MTG2: variants seen among roughly 807,000 people sequenced by gnomAD.
MTG2 encodes the protein mitochondrial ribosome associated GTPase 2.
In MTG2, 23 loss-of-function variants were observed where a neutral mutation model predicts 28.6. The ratio of observed to expected loss-of-function variants is 0.80; its 90% CI spans 0.58 to 1.14. The LOEUF is 1.14. Among genes scored for constraint, MTG2 ranks in the 50% most tolerant of loss-of-function variants. The pLI, the probability that MTG2 is intolerant of heterozygous loss-of-function variation, is 0.00. For missense variants in MTG2, 539 were observed against 552.0 expected (o/e 0.98, Z 0.24); for synonymous variants, 260 against 251.8 (o/e 1.03, Z -0.31).
chr20:62,198,351 G>GT (rs2058097765), intron 4 of MTG2: 4 of 553,600 alleles, frequency 7.2e-6, no homozygotes, highest in African/African-American at 3.8e-5. Flanking sequence ...TCTCTTAGAT[G>GT]TTTTTTCTGG....
chr20:62,190,756 G>A (rs1011480909), intron 1 of MTG2, among the ~76,000 whole-genome samples: 6 of 152,236 alleles, frequency 3.9e-5, no homozygotes, highest in Admixed American at 2.0e-4. Flanking sequence ...AGCGGCGGCG[G>A]CCGCACAGGC....
At chr20:62,192,031 T>A (rs2057970628) in intron 1 of MTG2, among the ~76,000 whole-genome samples, 1 of 152,224 alleles carries the variant, frequency 6.6e-6, no homozygotes, top group Non-Finnish European at 1.5e-5. Context: ...AGGCACCAAA[T>A]GTGTGGGTTT....
intron 2 of MTG2, 92 bp from the exon 3 acceptor site, chr20:62,195,710 T>C (rs1167403788): frequency 1.4e-6 from 2 of 1,470,132 alleles, no homozygotes; most frequent in Non-Finnish European, 1.9e-6. Context: ...TAGGCTGTTA[T>C]AGATAGAAGA....
chr20:62,185,351 G>A (rs2057819131), intron 1 of MTG2, among the ~76,000 whole-genome samples: 1 of 152,166 alleles, frequency 6.6e-6, no homozygotes, highest in Admixed American at 6.5e-5. Flanking sequence ...GGCAGAGGTT[G>A]CAGTGAGCTG....
At chr20:62,186,439 G>T (rs1213879642) in intron 1 of MTG2, among the ~76,000 whole-genome samples, 1 of 151,722 alleles carries the variant, frequency 6.6e-6, no homozygotes, top group Non-Finnish European at 1.5e-5. Flanking sequence ...GTTGTTTGCG[G>T]CTGGTATTTA....
In MTG2 at chr20:62,202,125, G is replaced by A. The variant is rs1353425740; in HGVS notation, c.*1048G>A. ...TCGAGACTGCAGCAGCGCCTTTCCT[G>A]TCTGTGGTTTAAGTCTTTGCAGTCA... On this transcript the variant is annotated 3_prime_UTR_variant, in exon 7 of 7. Coordinates refer to ENST00000370823, the MANE Select transcript of MTG2 (RefSeq NM_015666.4). 3 of 152,378 alleles carry A rather than the reference G, an allele frequency of 2.0e-5. No homozygotes were observed. Among genetic ancestry groups the A allele is most frequent in the South Asian group, 2.1e-4 (1 of 4,818 alleles). 9.4% of individuals were successfully genotyped at this position (152,378 alleles called of 1,614,324 possible). A position where few individuals can be genotyped will look rare whatever the true frequency, so the allele number is the denominator to read the frequency against.
chr20:62,186,908 A>G lies in MTG2; in HGVS notation c.-6+3851A>G, dbSNP rs552345829. 3.3e-5 allele frequency among the ~76,000 whole-genome samples: 5 copies of G among 151,744 alleles called. No individual in the cohort carries two copies. In the South Asian group the frequency reaches 1.0e-3, roughly 32 times the overall value. On this transcript the variant is annotated intron_variant, in intron 1 of 6. Transcript: ENST00000370823. ...TTACTTCTTCCTTTTTTCCCCCTTTATTTCAGTGTGTGAAAGGACATTGTT... is the reference window on the plus strand; with the variant it reads ...TTACTTCTTCCTTTTTTCCCCCTTTGTTTCAGTGTGTGAAAGGACATTGTT...
rs751196165 is a variant in MTG2, at chr20:62,193,554, C to G, written c.134C>G (p.Ser45Trp). The G allele has an allele frequency of 6.2e-7, 1 of 1,613,942 alleles. No individual in the cohort carries two copies. Among genetic ancestry groups the G allele is most frequent in the South Asian group, 1.1e-5 (1 of 91,054 alleles). The change falls in exon 2 of 7, where the codon TCG becomes TGG. Residue 45 changes from serine (S) to tryptophan (W), a missense_variant. Transcript: ENST00000370823. ...CAGCGGGCTTCTCCCAGGCTGCTCT[C>G]GGTCGGCCGTGCGGACCTCGCCAAG... ...LPQRASPRLLSVGRADLAKHQ... is the reference protein window; with the variant it reads ...LPQRASPRLLWVGRADLAKHQ...
Position 62,201,042 on chromosome 20 carries a change from G to T in MTG2, c.1186G>T (p.Glu396Ter). ...KVLYDAYAEA[E>*]LGQGRQPLRW The stretch of plus-strand genomic sequence containing the variant: ...GCTGTATGACGCCTACGCGGAGGCC[G>T]AGCTGGGCCAGGGCCGCCAGCCGCT... Residue 396 changes from glutamate (E) to a stop codon, truncating the protein, a stop_gained, in exon 7 of 7, where the codon GAG (glutamate) becomes TAG (stop). Coordinates refer to ENST00000370823, the MANE Select transcript of MTG2 (RefSeq NM_015666.4). LOFTEE classifies it high-confidence loss of function. The T allele has an allele frequency of 1.9e-6, 3 of 1,603,550 alleles. No homozygotes were observed. The highest frequency in any genetic ancestry group is 2.5e-6 in the Non-Finnish European group (3 of 1,176,538).
intron 1 of MTG2, among the ~76,000 whole-genome samples, chr20:62,186,032 T>G (rs1161751205): frequency 6.6e-6 from 1 of 152,088 alleles, no homozygotes; most frequent in East Asian, 1.9e-4. Context: ...GCAGGTTCCA[T>G]GTCACCTGCA....
intron 3 of MTG2, among the ~76,000 whole-genome samples, chr20:62,196,478 G>A (rs995207117): frequency 6.6e-6 from 1 of 151,396 alleles, no homozygotes; most frequent in Non-Finnish European, 1.5e-5. Flanking sequence ...TTCGAGACCA[G>A]CCTGGCCAAC....
chr20:62,199,209 A>C lies in MTG2; in HGVS notation c.778A>C (p.Lys260Gln), dbSNP rs2058117610. Residue 260 changes from lysine to glutamine, a missense_variant, in exon 6 of 7, where the codon AAG (lysine) becomes CAG (glutamine). Physicochemically the swap from Lys to Gln is moderately conservative, Grantham distance 53 (BLOSUM62 1). Transcript: ENST00000370823. The part of the protein sequence containing the change: ...AVASYPFTTL[K>Q]PHVGIVHYEG... ...GGCTTCCTACCCGTTCACCACCCTGAAGCCCCACGTCGGGATCGTCCACTA... is the reference window on the plus strand; with the variant it reads ...GGCTTCCTACCCGTTCACCACCCTGCAGCCCCACGTCGGGATCGTCCACTA... The C allele has an allele frequency of 6.2e-7, 1 of 1,614,080 alleles. No individual in the cohort carries two copies. Among genetic ancestry groups the C allele is most frequent in the South Asian group, 1.1e-5 (1 of 91,086 alleles).
chr20:62,199,325 C>T, intron 6 of MTG2, 68 bp downstream of exon 6: 1 of 1,546,260 alleles, frequency 6.5e-7, no homozygotes. Context: ...AATGATGTAA[C>T]TCTTAAATTT....
At chr20:62,184,116 T>C (rs1421224427) in intron 1 of MTG2, among the ~76,000 whole-genome samples, 3 of 152,188 alleles carry the variant, frequency 2.0e-5, no homozygotes, top group East Asian at 3.8e-4. Flanking sequence ...CCCAGAACTT[T>C]GGGAGGCCAA....
chr20:62,183,500 A>G (rs573560678), intron 1 of MTG2, among the ~76,000 whole-genome samples: 1 of 152,372 alleles, frequency 6.6e-6, no homozygotes, highest in South Asian at 2.1e-4. Context: ...AAATATATAC[A>G]CATTTGGATG....
chr20:62,190,962 G>A (rs2057947371), intron 1 of MTG2, among the ~76,000 whole-genome samples: 1 of 152,232 alleles, frequency 6.6e-6, no homozygotes, highest in Admixed American at 6.5e-5. Context: ...TAAAGAATGG[G>A]GAGCTCTGGG....
At chr20:62,190,021 T>A (rs1025553514) in intron 1 of MTG2, among the ~76,000 whole-genome samples, 6 of 152,250 alleles carry the variant, frequency 3.9e-5, no homozygotes, top group Non-Finnish European at 8.8e-5. Flanking sequence ...TTTTATTATT[T>A]GTTTCCTATT....
rs562351570 is a variant in MTG2 at position 62,199,063 on chromosome 20, T to C, written c.688-56T>C. The C allele has an allele frequency of 1.6e-4, 256 of 1,608,802 alleles. 2 individuals carry two copies. In the South Asian group the frequency reaches 1.9e-3, roughly 12 times the overall value. ...TCCAATCCCAGTTAGTTACAGACTC[T>C]GCGCTAACAAAGGTGCTGCCGCGGG... On this transcript the variant is annotated intron_variant, in intron 5 of 6. Coordinates refer to ENST00000370823, the MANE Select transcript of MTG2 (RefSeq NM_015666.4).
chr20:62,184,848 G>A (rs567979093), intron 1 of MTG2, among the ~76,000 whole-genome samples: 3 of 152,168 alleles, frequency 2.0e-5, no homozygotes, highest in African/African-American at 7.2e-5. Context: ...GGTGGCTCGC[G>A]CCTGTAATCC....
Sources: gnomAD v4.1 joint callset for allele counts (sites outside exome capture counted in the v4.1 genomes callset) on GRCh38, gnomAD v4.1.1 for gene constraint, MANE v1.5 for transcripts, NCBI Gene and HGNC (gene_info 2026-07-23, HGNC 2026-07-21) for gene names.